MAST4: variants seen among roughly 807,000 people sequenced by gnomAD.
MAST4 encodes the protein microtubule associated serine/threonine kinase family member 4, also known as microtubule-associated serine/threonine-protein kinase 4.
A neutral mutation model predicts 162.7 loss-of-function variants in MAST4; 89 were observed. The ratio of observed to expected loss-of-function variants is 0.55; its 90% CI spans 0.46 to 0.65. The LOEUF is 0.65. Among genes scored for constraint, MAST4 ranks in the 30% least tolerant of loss-of-function variants. MAST4 has a pLI of 0.00. For missense variants in MAST4, 3,153 were observed against 3,374.0 expected, an observed-to-expected ratio of 0.93 and a Z score of 1.62; for synonymous variants, 1,479 against 1,361.1, an observed-to-expected ratio of 1.09 and a Z score of -1.91.
At chr5:66,862,712 A>G (rs1003675239) in intron 3 of MAST4, among the ~76,000 whole-genome samples, 53 of 152,180 alleles carry the variant, frequency 3.5e-4, no homozygotes, top group African/African-American at 1.3e-3. Flanking sequence ...AATTGAATTT[A>G]CTCGTCTATA....
At chr5:66,885,923 A>G (rs79272380) in intron 3 of MAST4, among the ~76,000 whole-genome samples, 6,558 of 152,252 alleles carry the variant, frequency 0.043, 211 homozygotes, top group East Asian at 0.12. Context: ...TAGAGTGCTC[A>G]GTGTGTGCCA....
chr5:66,877,991 G>T (rs1295847206), intron 3 of MAST4, among the ~76,000 whole-genome samples: 5 of 152,184 alleles, frequency 3.3e-5, no homozygotes, highest in African/African-American at 4.8e-5. Context: ...ACAGTCAGTT[G>T]CTTCTGTTAT....
At position 67,163,783 on chromosome 5, in the gene MAST4, A is replaced by G. The variant is rs1460412517; in HGVS notation, c.4604A>G (p.Lys1535Arg). The G allele has an allele frequency of 6.2e-7, 1 of 1,611,642 alleles. No homozygotes were observed. Among genetic ancestry groups the G allele is most frequent in the Admixed American group, 1.7e-5 (1 of 59,660 alleles). Residue 1535 changes from lysine (K) to arginine (R), a missense_variant, in exon 29 of 29, where the codon AAG becomes AGG. Transcript: ENST00000403625. This position sits in a 1 kb window ranked among gnomAD's most constrained non-coding sequence, Gnocchi z 7.0. ...CTGGACCGCGACAAGCTGAAGGCCA[A>G]GGTGGTGGTGAAGAAAGCAGACGGC... is the stretch of plus-strand genomic sequence containing the variant. ...DDLDRDKLKA[K>R]VVVKKADGFP...
intron 1 of MAST4, among the ~76,000 whole-genome samples, chr5:66,608,212 T>C (rs1743026216): frequency 6.6e-6 from 1 of 151,670 alleles, no homozygotes; most frequent in African/African-American, 2.4e-5. Flanking sequence ...CGTGCCACCA[T>C]GCCTGGCTAA....
At chr5:66,819,291 T>A (rs1198824934) in intron 3 of MAST4, among the ~76,000 whole-genome samples, 1 of 152,142 alleles carries the variant, frequency 6.6e-6, no homozygotes, top group Admixed American at 6.5e-5. Flanking sequence ...AAAAATAATT[T>A]ATATATACCT....
chr5:67,018,580 G>C (rs765455272), intron 4 of MAST4, among the ~76,000 whole-genome samples: 5 of 152,136 alleles, frequency 3.3e-5, no homozygotes, highest in Admixed American at 1.3e-4. Context: ...AAACAGATTT[G>C]ACTAGCAGGA....
chr5:66,801,837 T>A (rs905294497), intron 3 of MAST4, among the ~76,000 whole-genome samples: 1 of 152,244 alleles, frequency 6.6e-6, no homozygotes, highest in Non-Finnish European at 1.5e-5. Context: ...TATTCAAACA[T>A]CATACCATCA....
At chr5:66,984,863 A>G (rs976871169) in intron 4 of MAST4, among the ~76,000 whole-genome samples, 1 of 152,148 alleles carries the variant, frequency 6.6e-6, no homozygotes, top group Non-Finnish European at 1.5e-5. Flanking sequence ...CAGGTGGGGA[A>G]GACTTGAGAG....
At chr5:66,612,605 A>G (rs940161846) in intron 1 of MAST4, among the ~76,000 whole-genome samples, 1 of 152,218 alleles carries the variant, frequency 6.6e-6, no homozygotes, top group Non-Finnish European at 1.5e-5. Flanking sequence ...GTTTGGAGAC[A>G]GAGCACACAC....
intron 4 of MAST4, among the ~76,000 whole-genome samples, chr5:66,935,967 G>T (rs577272958): frequency 3.3e-5 from 5 of 152,088 alleles, no homozygotes; most frequent in African/African-American, 1.2e-4. Context: ...CGCACTCGGC[G>T]CCCAGTCTTT....
At chr5:66,839,598 T>C (rs928865001) in intron 3 of MAST4, among the ~76,000 whole-genome samples, 10 of 152,212 alleles carry the variant, frequency 6.6e-5, no homozygotes, top group East Asian at 5.8e-4. Flanking sequence ...GTTTTTTTTT[T>C]CCCCAAATTG....
intron 2 of MAST4, among the ~76,000 whole-genome samples, chr5:66,764,659 AAAAG>A (rs1224711015): frequency 6.6e-6 from 1 of 152,194 alleles, no homozygotes; most frequent in Non-Finnish European, 1.5e-5. Flanking sequence ...AAATAGAAAA[AAAAG>A]CTTATAGAAT....
At chr5:67,130,044 G>A (rs1030017975) in intron 14 of MAST4, among the ~76,000 whole-genome samples, 166 bp from the exon 15 acceptor site, 1 of 152,160 alleles carries the variant, frequency 6.6e-6, no homozygotes, top group Non-Finnish European at 1.5e-5. Context: ...CTAGCCAAAG[G>A]AGTTTAGCCT....
At chr5:67,115,451 G>A (rs974316921) in intron 12 of MAST4, among the ~76,000 whole-genome samples, 4 of 152,160 alleles carry the variant, frequency 2.6e-5, no homozygotes, top group Non-Finnish European at 5.9e-5. Flanking sequence ...TATGGCCATC[G>A]TATCTTTGCT....
chr5:66,920,132 T>C (rs1016046157), intron 4 of MAST4, among the ~76,000 whole-genome samples: 6 of 152,120 alleles, frequency 3.9e-5, no homozygotes, highest in African/African-American at 1.4e-4. Flanking sequence ...TTTTAACAAG[T>C]TGAACCTCTC....
At chr5:66,903,811 T>G (rs867955010) in intron 4 of MAST4, among the ~76,000 whole-genome samples, 1 of 152,148 alleles carries the variant, frequency 6.6e-6, no homozygotes, top group South Asian at 2.1e-4. Flanking sequence ...AATAACTACA[T>G]AGTGCGGACA....
At position 67,166,718 on chromosome 5, in the gene MAST4, C is replaced by G. The variant is rs753475757; in HGVS notation, c.7539C>G (p.Thr2513=). The change falls in exon 29 of 29, where the codon ACC becomes ACG. Residue 2513 remains threonine, a synonymous_variant. Coordinates refer to ENST00000403625, the MANE Select transcript of MAST4 (RefSeq NM_001164664.2). ...RKAQPAGEGR[T]HMTKSDSLPS... The stretch of plus-strand genomic sequence containing the variant: ...CTCAGCCTGCCGGGGAGGGCCGAAC[C>G]CACATGACAAAGAGTGACTCCCTGC... The G allele has an allele frequency of 6.3e-7, 1 of 1,590,040 alleles. No homozygotes were observed. Among genetic ancestry groups the G allele is most frequent in the Admixed American group, 1.8e-5 (1 of 56,442 alleles).
chr5:67,021,814 T>C (rs2150390759), intron 4 of MAST4, among the ~76,000 whole-genome samples: 1 of 152,304 alleles, frequency 6.6e-6, no homozygotes. Context: ...TTATGTTTGC[T>C]TGATATTTTT....
intron 3 of MAST4, among the ~76,000 whole-genome samples, chr5:66,830,725 T>C (rs1402276029): frequency 6.6e-6 from 1 of 152,232 alleles, no homozygotes; most frequent in Admixed American, 6.5e-5. Flanking sequence ...AGTAGCTGTT[T>C]TTAGAAATTC....
Sources: gnomAD v4.1 joint callset for allele counts (sites outside exome capture counted in the v4.1 genomes callset) on GRCh38, gnomAD v4.1.1 for gene constraint, Gnocchi (gnomAD v3.1) non-coding constraint, MANE v1.5 for transcripts, NCBI Gene and HGNC (gene_info 2026-07-23, HGNC 2026-07-21) for gene names.